The following CDC42BPG variants were observed in gnomAD, a reference collection of about 807,000 sequenced individuals.
CDC42BPG encodes serine/threonine-protein kinase MRCK gamma.
In CDC42BPG, 157 loss-of-function variants were observed where a neutral mutation model predicts 192.2. That is an observed-to-expected ratio of 0.82 (90% confidence interval 0.72 to 0.93). The LOEUF (loss-of-function observed/expected upper bound fraction) is 0.93. Among genes scored for constraint, CDC42BPG ranks in the 40% least tolerant of loss-of-function variants. CDC42BPG has a pLI of 0.00. For synonymous variants in CDC42BPG, 981 were observed against 918.5 expected (o/e 1.07, Z -1.23); for missense variants, 1,992 against 2,122.1 (o/e 0.94, Z 1.20).
In CDC42BPG at chr11:64,839,464, G is replaced by T; in HGVS notation, c.675+14C>A. The T allele has an allele frequency of 1.9e-6, 3 of 1,612,092 alleles. No individual in the cohort carries two copies. The highest frequency in any genetic ancestry group is 2.5e-6 in the Non-Finnish European group (3 of 1,179,302). ...CTTGTATCCCCTGCTCCCACTCTGGGGCGGGGTCCTTACCATGCCGTTGGT... is the reference window on the plus strand; with the variant it reads ...CTTGTATCCCCTGCTCCCACTCTGGTGCGGGGTCCTTACCATGCCGTTGGT... On this transcript the variant is annotated intron_variant, in intron 6 of 36. Transcript: ENST00000342711.
chr11:64,826,739 C>T lies in CDC42BPG; in HGVS notation c.4445G>A (p.Ser1482Asn). 6.5e-7 allele frequency: 1 copy of T among 1,545,764 alleles called. No homozygotes were observed. Among genetic ancestry groups the T allele is most frequent in the East Asian group, 2.3e-5 (1 of 43,120 alleles). ...ARGSGPQRPH[S>N]FSEALRRPAS... Reference sequence around the variant, plus strand: ...TGGGCGCCGCAACGCCTCGGAGAAGCTGTGGGGCCGCTGTGGGCCGGAGCC... The same window carrying T: ...TGGGCGCCGCAACGCCTCGGAGAAGTTGTGGGGCCGCTGTGGGCCGGAGCC... The change falls in exon 35 of 37, where the codon AGC (serine) becomes AAC (asparagine). Residue 1482 changes from serine (S) to asparagine (N), a missense_variant. This residue lies in a region of CDC42BPG where 336 missense variants were observed against 277.9 expected (regional missense o/e 1.21). Coordinates refer to ENST00000342711, the MANE Select transcript of CDC42BPG (RefSeq NM_017525.3).
In CDC42BPG at chr11:64,824,501, AG is replaced by A; in HGVS notation, c.4627del (p.Leu1543TyrfsTer14). The part of the protein sequence containing the change: ...QVSERPRSLP[L>X]SPELESSP The stretch of plus-strand genomic sequence containing the variant: ...AGGAGAGCTCTCCAATTCAGGGGAT[AG>A]GGGGAGGCTTCGGGGCCGTTCTGAG... On this transcript the variant is annotated frameshift_variant, in exon 37 of 37. Transcript: ENST00000342711. LOFTEE classifies it high-confidence loss of function. 1.9e-6 allele frequency: 3 copies of A among 1,607,808 alleles called. No homozygotes were observed. The highest frequency in any genetic ancestry group is 2.6e-6 in the Non-Finnish European group (3 of 1,174,210).
chr11:64,825,890 A>AC (rs1415145378), intron 36 of CDC42BPG, among the ~76,000 whole-genome samples: 1 of 151,716 alleles, frequency 6.6e-6, no homozygotes, highest in African/African-American at 2.4e-5. Context: ...ACATAATGAA[A>AC]CCCCATCTCT....
Position 64,827,784 on chromosome 11 carries a change from C to G in CDC42BPG, c.3968-1G>C. 1 of 1,602,262 alleles carries G rather than the reference C, an allele frequency of 6.2e-7. No individual in the cohort carries two copies. The highest frequency in any genetic ancestry group is 2.2e-5 in the East Asian group (1 of 44,792). On this transcript the variant is annotated splice_acceptor_variant, in intron 30 of 36. Transcript: ENST00000342711. LOFTEE classifies it high-confidence loss of function. The stretch of plus-strand genomic sequence containing the variant: ...ACTGTCAGGTAGGGGGCCGCATACC[C>G]TGCGGGCACGCCAGGCACCTCTGAG...
At chr11:64,840,454 C>A in intron 4 of CDC42BPG, 99 bp downstream of exon 4, 1 of 1,415,752 alleles carries the variant, frequency 7.1e-7, no homozygotes, top group Non-Finnish European at 9.8e-7. Context: ...GTCTCTTGGT[C>A]CCAAGAGGGG....
chr11:64,839,606 G>A (rs752235738), intron 5 of CDC42BPG, 35 bp from the exon 6 acceptor site: 1 of 1,582,014 alleles, frequency 6.3e-7, no homozygotes, highest in Middle Eastern at 1.7e-4. Flanking sequence ...TGAGGCGTTT[G>A]ACCTGTGTGT....
chr11:64,829,395 A>G lies in CDC42BPG; in HGVS notation c.3967+76T>C. 6 of 1,540,808 alleles carry G rather than the reference A, an allele frequency of 3.9e-6. No homozygotes were observed. The South Asian group carries it at 5.9e-5, about 15-fold the overall frequency. ...AAAGGCCTCCAATGCCAGGCTCATG[A>G]GTTGAGGCGGGACCCTGTCTTCACC... is the stretch of plus-strand genomic sequence containing the variant. On this transcript the variant is annotated intron_variant, in intron 30 of 36. Transcript: ENST00000342711.
rs1943146737 is a variant in CDC42BPG at position 64,838,888 on chromosome 11, G to T, written c.891C>A (p.Phe297Leu). 1 of 1,608,594 alleles carries T rather than the reference G, an allele frequency of 6.2e-7. No homozygotes were observed. The highest frequency in any genetic ancestry group is 8.5e-7 in the Non-Finnish European group (1 of 1,179,212). ...CTGGCACGTCAGGCACGTCCGGGGG[G>T]AACTGCAGGTGGTCCTGTGGGTCGG... ...KIMNHEDHLQ[F>L]PPDVPDVPAS... is the part of the protein sequence containing the mutation. Residue 297 changes from phenylalanine to leucine, a missense_variant, in exon 8 of 37, where the codon TTC becomes TTA. Phe to Leu is a conservative substitution (Grantham distance 22). Coordinates refer to ENST00000342711, the MANE Select transcript of CDC42BPG (RefSeq NM_017525.3).
Position 64,829,929 on chromosome 11 carries a change from C to G in CDC42BPG, c.3509G>C (p.Gly1170Ala). ...GCCTCGAGACTCGGGGATCTTGGCACCTGCTACCTCTATGTTCTCCAGCTC... is the reference window on the plus strand; with the variant it reads ...GCCTCGAGACTCGGGGATCTTGGCAGCTGCTACCTCTATGTTCTCCAGCTC... ...LAELENIEVAGAKIPESRGCQ... is the reference protein window; with the variant it reads ...LAELENIEVAAAKIPESRGCQ... Residue 1170 changes from glycine to alanine, a missense_variant, in exon 30 of 37, where the codon GGT becomes GCT. By Grantham distance (60) the Gly-to-Ala change is moderately conservative. Transcript: ENST00000342711. 6.2e-7 allele frequency: 1 copy of G among 1,611,308 alleles called. No homozygotes were observed. Among genetic ancestry groups the G allele is most frequent in the Non-Finnish European group, 8.5e-7 (1 of 1,179,290 alleles).
At chr11:64,839,608 C>T (rs757931188) in intron 5 of CDC42BPG, 37 bp from the exon 6 acceptor site, 4 of 1,580,082 alleles carry the variant, frequency 2.5e-6, no homozygotes, top group Non-Finnish European at 2.6e-6. Context: ...AGGCGTTTGA[C>T]CTGTGTGTAA....
chr11:64,835,362 G>A lies in CDC42BPG; in HGVS notation c.1938C>T (p.Ser646=), dbSNP rs771774620. Residue 646 remains serine, a synonymous_variant, in exon 16 of 37, where the codon AGC becomes AGT. Coordinates refer to ENST00000342711, the MANE Select transcript of CDC42BPG (RefSeq NM_017525.3). ...CCCTGCTCACCCGCTCCTGCTCCCG[G>A]CTCAGCCTCCGGTTTTCCTCCTGCA... ...CQLQEENRRL[S]REQERLEAEL... The A allele has an allele frequency of 1.7e-5, 28 of 1,613,784 alleles. No individual in the cohort carries two copies. The South Asian group carries it at 2.9e-4, about 16-fold the overall frequency.
chr11:64,837,408 C>T (rs1397433318), intron 9 of CDC42BPG, among the ~76,000 whole-genome samples: 3 of 152,162 alleles, frequency 2.0e-5, no homozygotes, highest in Admixed American at 6.5e-5. Context: ...CAGAGCACAC[C>T]GCACCAGGAC....
In CDC42BPG at chr11:64,838,758, C is replaced by T. The variant is rs972986186; in HGVS notation, c.1021G>A (p.Asp341Asn). The part of the protein sequence containing the change: ...FRNHPFFEGV[D>N]WERLASSTAP... ...GTGCTGCTCGCCAGCCGCTCCCAGT[C>T]CACGCCTTCGAAGAAAGGATGGTTC... The change falls in exon 8 of 37, where the codon GAC becomes AAC. Residue 341 changes from aspartate to asparagine, a missense_variant. By Grantham distance (23) the Asp-to-Asn change is conservative (BLOSUM62 1). Coordinates refer to ENST00000342711, the MANE Select transcript of CDC42BPG (RefSeq NM_017525.3). 1.9e-6 allele frequency: 3 copies of T among 1,613,032 alleles called. No individual in the cohort carries two copies. The highest frequency in any genetic ancestry group is 2.7e-5 in the African/African-American group (2 of 75,054).
rs1261251642 is a variant in CDC42BPG at position 64,826,751 on chromosome 11, T to C, written c.4433A>G (p.Gln1478Arg). 7.1e-6 allele frequency: 11 copies of C among 1,539,830 alleles called. No homozygotes were observed. The East Asian group carries it at 1.2e-4, about 16-fold the overall frequency. ...CGCCTCGGAGAAGCTGTGGGGCCGC[T>C]GTGGGCCGGAGCCGCGGGCAACTCG... ...KGRVARGSGPQRPHSFSEALR... is the reference protein window; with the variant it reads ...KGRVARGSGPRRPHSFSEALR... Residue 1478 changes from glutamine to arginine, a missense_variant, in exon 35 of 37, where the codon CAG (glutamine) becomes CGG (arginine). Physicochemically the swap from Gln to Arg is conservative, Grantham distance 43. This residue lies in a region of CDC42BPG where 336 missense variants were observed against 277.9 expected (regional missense o/e 1.21). Coordinates refer to ENST00000342711, the MANE Select transcript of CDC42BPG (RefSeq NM_017525.3).
intron 20 of CDC42BPG, 72 bp downstream of exon 20, chr11:64,834,194 G>A (rs565719375): frequency 4.2e-5 from 62 of 1,472,440 alleles, no homozygotes; most frequent in South Asian, 1.4e-4. Flanking sequence ...CCAGGCCATC[G>A]TGGAGCCCCC....
Position 64,836,720 on chromosome 11 carries a change from G to GGGGGGGGGGGCGGAA in CDC42BPG, c.1384+18_1384+19insTTCCGCCCCCCCCCC. 1.2e-6 allele frequency: 1 copy of GGGGGGGGGGGCGGAA among 843,824 alleles called. No homozygotes were observed. Among genetic ancestry groups the GGGGGGGGGGGCGGAA allele is most frequent in the Non-Finnish European group, 1.7e-6 (1 of 584,548 alleles). 52.3% of individuals were successfully genotyped at this position (843,824 alleles called of 1,614,324 possible). On this transcript the variant is annotated intron_variant, in intron 11 of 36. Coordinates refer to ENST00000342711, the MANE Select transcript of CDC42BPG (RefSeq NM_017525.3). ...GGACTCAGCCCTGGGGGGGGGGGGG[G>GGGGGGGGGGGCGGAA]GGTGGGCGGAAGGGATACCTGGCAG...
chr11:64,826,543 G>A lies in CDC42BPG; in HGVS notation c.4526C>T (p.Pro1509Leu). 1 of 1,601,984 alleles carries A rather than the reference G, an allele frequency of 6.2e-7. No individual in the cohort carries two copies. Among genetic ancestry groups the A allele is most frequent in the Non-Finnish European group, 8.5e-7 (1 of 1,174,906 alleles). The change falls in exon 36 of 37, where the codon CCC becomes CTC. Residue 1509 changes from proline (P) to leucine (L), a missense_variant. Coordinates refer to ENST00000342711, the MANE Select transcript of CDC42BPG (RefSeq NM_017525.3). ...GGDADPMKRK[P>L]WTSLSSESVS... ...AGACTCGCTGGACAGGGATGTCCAG[G>A]GTTTCCTCTTCACTGCTCCAGCAGC...
rs369359774 is a variant in CDC42BPG, at chr11:64,826,928, AGT to A, written c.4389+120_4389+121del. The A allele has an allele frequency of 2.4e-5, 28 of 1,172,104 alleles. No homozygotes were observed. In the African/African-American group the frequency reaches 3.5e-4, roughly 15 times the overall value. 72.6% of individuals were successfully genotyped at this position (1,172,104 alleles called of 1,614,324 possible). On this transcript the variant is annotated intron_variant, in intron 34 of 36. Transcript: ENST00000342711. The stretch of plus-strand genomic sequence containing the variant: ...TTTTACTTAAGTCCCAGGTAGCAGA[AGT>A]GTGAGTCCCAGGCCTTAGGAGTAAT...
chr11:64,830,471 G>A, intron 28 of CDC42BPG: 1 of 604,720 alleles, frequency 1.7e-6, no homozygotes, highest in Non-Finnish European at 3.0e-6. Flanking sequence ...GTGGGATTTT[G>A]GGTAAGTCAT....
Sources: gnomAD v4.1 joint callset for allele counts (sites outside exome capture counted in the v4.1 genomes callset) on GRCh38, gnomAD v4.1.1 for gene constraint, gnomAD v4.1.1 regional missense constraint, MANE v1.5 for transcripts, NCBI Gene and HGNC (gene_info 2026-07-23, HGNC 2026-07-21) for gene names.